Variants in TMEM132D observed in about 807,000 individuals in gnomAD.
TMEM132D encodes the protein transmembrane protein 132D, also known as mature OL transmembrane protein.
Under a neutral mutation model 62.3 loss-of-function variants are expected in TMEM132D, and 21 were observed. The observed-to-expected ratio is 0.34, with a 90% CI of 0.24 to 0.49. The LOEUF (loss-of-function observed/expected upper bound fraction) is 0.49. TMEM132D is among the 20% of genes least tolerant of loss of function. The probability of loss-of-function intolerance (pLI) is 0.99; values close to 1 mark genes in which losing one functional copy is unlikely to be tolerated. For missense variants in TMEM132D, 1,346 were observed against 1,402.8 expected (o/e 0.96, Z 0.65); for synonymous variants, 621 against 575.6 (o/e 1.08, Z -1.13).
intron 1 of TMEM132D, among the ~76,000 whole-genome samples, chr12:129,727,267 A>G (rs1041260369): frequency 5.9e-5 from 9 of 152,206 alleles, no homozygotes; most frequent in African/African-American, 2.2e-4. Flanking sequence ...GTTCAAGAGC[A>G]TGGCACTGGC....
intron 2 of TMEM132D, among the ~76,000 whole-genome samples, chr12:129,652,345 G>T (rs2137184030): frequency 6.6e-6 from 1 of 152,222 alleles, no homozygotes; most frequent in African/African-American, 2.4e-5. Context: ...GTGGCATGCA[G>T]AAAAAATGAC....
chr12:129,458,380 A>G (rs923540514), intron 3 of TMEM132D, among the ~76,000 whole-genome samples: 1 of 148,364 alleles, frequency 6.7e-6, no homozygotes, highest in Non-Finnish European at 1.5e-5. Flanking sequence ...GCATTTGCCT[A>G]TATCAGAGTG....
chr12:129,279,574 A>T (rs1881086600), intron 4 of TMEM132D, among the ~76,000 whole-genome samples: 1 of 152,134 alleles, frequency 6.6e-6, no homozygotes, highest in Admixed American at 6.6e-5. Context: ...GGGGGTATAA[A>T]ATCGAAAACC....
intron 5 of TMEM132D, among the ~76,000 whole-genome samples, chr12:129,106,402 A>T (rs1223699689): frequency 6.6e-6 from 1 of 152,186 alleles, no homozygotes; most frequent in Admixed American, 6.5e-5. Flanking sequence ...TGTACCCTAA[A>T]ACTTAAAGTA....
intron 2 of TMEM132D, among the ~76,000 whole-genome samples, chr12:129,561,666 A>G (rs1364754523): frequency 6.6e-6 from 1 of 152,250 alleles, no homozygotes. Context: ...AGTTATCATT[A>G]TGCATCACCA....
chr12:129,285,764 T>C (rs1025520608), intron 4 of TMEM132D, among the ~76,000 whole-genome samples: 1 of 152,156 alleles, frequency 6.6e-6, no homozygotes, highest in Non-Finnish European at 1.5e-5. Flanking sequence ...AAGTAACTTT[T>C]TTTTTCTCCC....
intron 2 of TMEM132D, among the ~76,000 whole-genome samples, chr12:129,622,170 A>G (rs1194076636): frequency 6.6e-6 from 1 of 152,184 alleles, no homozygotes; most frequent in Non-Finnish European, 1.5e-5. Flanking sequence ...TAGGCCACAC[A>G]AAGTCTGCAT....
chr12:129,491,711 G>C (rs963400767), intron 3 of TMEM132D, among the ~76,000 whole-genome samples: 1 of 152,202 alleles, frequency 6.6e-6, no homozygotes, highest in African/African-American at 2.4e-5. Flanking sequence ...GGAGGCCGAG[G>C]TGGGTAGATC....
chr12:129,717,488 A>T (rs1454222633), intron 1 of TMEM132D, among the ~76,000 whole-genome samples: 1 of 149,646 alleles, frequency 6.7e-6, no homozygotes, highest in African/African-American at 2.4e-5. Flanking sequence ...TTTTAATAAA[A>T]TTAATAAAAA....
chr12:129,865,101 G>T (rs1874016240), intron 1 of TMEM132D, among the ~76,000 whole-genome samples: 1 of 152,218 alleles, frequency 6.6e-6, no homozygotes, highest in African/African-American at 2.4e-5. Context: ...AGGATGAGCT[G>T]AGGTGGAGGT....
rs114031123 is a variant in TMEM132D at position 129,199,092 on chromosome 12, G to A, written c.1443+10428C>T. 9.5e-3 allele frequency among the ~76,000 whole-genome samples: 1,343 copies of A among 140,968 alleles called. 20 individuals carry two copies. The highest frequency in any genetic ancestry group is 0.034 in the African/African-American group (1,294 of 38,382). The allele number at this position is 140,968 out of a possible 152,430, so 92.5% of individuals were successfully genotyped here. A position where few individuals can be genotyped will look rare whatever the true frequency, so the allele number is the denominator to read the frequency against. The stretch of plus-strand genomic sequence containing the variant: ...ATTTCTATTCTCATTGCTATAACAC[G>A]TCCATCTACCTTTTTTTTTTTTTTT... On this transcript the variant is annotated intron_variant, in intron 5 of 8. Transcript: ENST00000422113.
At chr12:129,622,705 G>T (rs1431454356) in intron 2 of TMEM132D, among the ~76,000 whole-genome samples, 3 of 152,160 alleles carry the variant, frequency 2.0e-5, no homozygotes, top group African/African-American at 4.8e-5. Flanking sequence ...ACCTGGCGGG[G>T]ACCATCCACT....
intron 1 of TMEM132D, among the ~76,000 whole-genome samples, chr12:129,803,284 T>G (rs1467144854): frequency 1.4e-5 from 2 of 147,154 alleles, no homozygotes; most frequent in African/African-American, 5.0e-5. Flanking sequence ...ACCACATACT[T>G]GGAAGTAAAG....
chr12:129,344,851 A>T (rs2135664372), intron 3 of TMEM132D, among the ~76,000 whole-genome samples: 1 of 152,120 alleles, frequency 6.6e-6, no homozygotes, highest in East Asian at 2.0e-4. Context: ...ATTGGGAGCA[A>T]AAAGCATTGA....
At chr12:129,109,910 T>TA (rs1381228398) in intron 5 of TMEM132D, 1 of 152,960 alleles carries the variant, frequency 6.5e-6, no homozygotes, top group Non-Finnish European at 1.5e-5. Context: ...GGAATGCTGT[T>TA]GAAATGTCCC....
intron 1 of TMEM132D, among the ~76,000 whole-genome samples, chr12:129,803,143 C>A (rs1454814401): frequency 6.6e-6 from 1 of 151,500 alleles, no homozygotes; most frequent in Non-Finnish European, 1.5e-5. Flanking sequence ...GACAGAAAGT[C>A]AACAAGGATA....
chr12:129,595,623 C>T (rs1410043560), intron 2 of TMEM132D, among the ~76,000 whole-genome samples: 1 of 152,222 alleles, frequency 6.6e-6, no homozygotes, highest in Non-Finnish European at 1.5e-5. Flanking sequence ...AGCTGGTTCC[C>T]AAGCAGTCTT....
intron 5 of TMEM132D, among the ~76,000 whole-genome samples, chr12:129,112,429 A>G (rs1875746968): frequency 6.6e-6 from 1 of 152,240 alleles, no homozygotes; most frequent in Non-Finnish European, 1.5e-5. Flanking sequence ...TGGGAGGCCA[A>G]GGCGGACGGA....
At chr12:129,426,207 A>G (rs1872490996) in intron 3 of TMEM132D, among the ~76,000 whole-genome samples, 1 of 152,084 alleles carries the variant, frequency 6.6e-6, no homozygotes, top group African/African-American at 2.4e-5. Flanking sequence ...TCATCCCATG[A>G]CTGCCTCATG....
Sources: gnomAD v4.1 joint callset for allele counts (sites outside exome capture counted in the v4.1 genomes callset) on GRCh38, gnomAD v4.1.1 for gene constraint, MANE v1.5 for transcripts, NCBI Gene and HGNC (gene_info 2026-07-23, HGNC 2026-07-21) for gene names.